MORC2: variants seen among roughly 807,000 people sequenced by gnomAD.
MORC2 encodes the protein ATPase MORC2.
A neutral mutation model predicts 136.0 loss-of-function variants in MORC2; 30 were observed. The ratio of observed to expected loss-of-function variants is 0.22; its 90% confidence interval spans 0.17 to 0.30. The LOEUF is 0.30. Among genes scored for constraint, MORC2 ranks in the 10% least tolerant of loss-of-function variants. MORC2 has a pLI of 1.00. For missense variants in MORC2, 922 were observed against 1,333.1 expected (o/e 0.69, Z 4.80); for synonymous variants, 439 against 487.0 (o/e 0.90, Z 1.30).
Position 30,936,985 on chromosome 22 carries a change from T to C in MORC2, c.1551A>G (p.Lys517=). 6.2e-7 allele frequency: 1 copy of C among 1,613,886 alleles called. No homozygotes were observed. Among genetic ancestry groups the C allele is most frequent in the Non-Finnish European group, 8.5e-7 (1 of 1,179,850 alleles). Residue 517 remains lysine (K), a synonymous_variant, in exon 16 of 26, where the codon AAA becomes AAG. Coordinates refer to ENST00000397641, the MANE Select transcript of MORC2 (RefSeq NM_001303256.3). ...AGCAAACCCAGGTGTCAGGGTAATCTTTTTCCACAGAACTCAGCTGGAAGG... is the reference window on the plus strand; with the variant it reads ...AGCAAACCCAGGTGTCAGGGTAATCCTTTTCCACAGAACTCAGCTGGAAGG... ...TLPFQLSSVE[K]DYPDTWVCSM...
chr22:30,940,874 G>C lies in MORC2; in HGVS notation c.825-37C>G, dbSNP rs768426185. 17 of 1,553,698 alleles carry C rather than the reference G, an allele frequency of 1.1e-5. No individual in the cohort carries two copies. In the Admixed American group the frequency reaches 2.8e-4, roughly 26 times the overall value. The stretch of plus-strand genomic sequence containing the variant: ...AAAAAGCAAGCTGATGGCCCACGCA[G>C]CAGTGGGGCAGGTGGCACACCCAAG... On this transcript the variant is annotated intron_variant, in intron 9 of 25. Coordinates refer to ENST00000397641, the MANE Select transcript of MORC2 (RefSeq NM_001303256.3).
intron 1 of MORC2, among the ~76,000 whole-genome samples, chr22:30,964,717 G>A (rs1471802527): frequency 6.6e-6 from 1 of 152,144 alleles, no homozygotes; most frequent in Non-Finnish European, 1.5e-5. Flanking sequence ...TCCCAGGCCT[G>A]CTGTAAACCT....
rs145453889 is a variant in MORC2, at chr22:30,962,552, G to A, written c.69-3858C>T. On this transcript the variant is annotated intron_variant, in intron 1 of 25. Transcript: ENST00000397641. ...GAGGGTTGCAGTGAGCCAAGACTGCGCCACGGCACACCAACCTGGCTGAAA... is the reference window on the plus strand; with the variant it reads ...GAGGGTTGCAGTGAGCCAAGACTGCACCACGGCACACCAACCTGGCTGAAA... 3.3e-4 allele frequency among the ~76,000 whole-genome samples: 50 copies of A among 149,966 alleles called. 1 individual carries two copies. The highest frequency in any genetic ancestry group is 1.1e-3 in the African/African-American group (46 of 40,756).
In MORC2 at chr22:30,932,182, C is replaced by G. The variant is rs2040584908; in HGVS notation, c.2841+177G>C. 5 of 639,682 alleles carry G rather than the reference C, an allele frequency of 7.8e-6. No individual in the cohort carries two copies. The highest frequency in any genetic ancestry group is 1.3e-5 in the Non-Finnish European group (5 of 380,884). 39.6% of individuals were successfully genotyped at this position (639,682 alleles called of 1,614,324 possible). A position where few individuals can be genotyped will look rare whatever the true frequency, so the allele number is the denominator to read the frequency against. Reference sequence around the variant, plus strand: ...ATATCCAGCTAAGCCAATTTTTTTCCCACATCATAAACTCTCCTCTTCTTT... The same window carrying G: ...ATATCCAGCTAAGCCAATTTTTTTCGCACATCATAAACTCTCCTCTTCTTT... On this transcript the variant is annotated intron_variant, in intron 24 of 25. Coordinates refer to ENST00000397641, the MANE Select transcript of MORC2 (RefSeq NM_001303256.3). The surrounding 1 kb of genome is among the most constrained non-coding windows in gnomAD (Gnocchi z 4.4).
chr22:30,941,714 T>TC lies in MORC2; in HGVS notation c.699-157dup, dbSNP rs901325242. On this transcript the variant is annotated intron_variant, in intron 8 of 25. Transcript: ENST00000397641. This position sits in a 1 kb window ranked among gnomAD's most constrained non-coding sequence, Gnocchi z 4.6. ...GTGCTCCCTTAGTGTGAGCACCACATCCCGCCCCTCTCACGTCCTCAGCAC... is the reference window on the plus strand; with the variant it reads ...GTGCTCCCTTAGTGTGAGCACCACATCCCCGCCCCTCTCACGTCCTCAGCAC... 1.5e-4 allele frequency among the ~76,000 whole-genome samples: 23 copies of TC among 152,146 alleles called. No individual in the cohort carries two copies. Among genetic ancestry groups the TC allele is most frequent in the African/African-American group, 5.3e-4 (22 of 41,520 alleles).
intron 10 of MORC2, among the ~76,000 whole-genome samples, chr22:30,940,510 T>C (rs1402135230): frequency 6.6e-6 from 1 of 152,116 alleles, no homozygotes; most frequent in East Asian, 1.9e-4. Flanking sequence ...TCAATTGGGA[T>C]AAGCCAAAGA....
chr22:30,959,680 C>A (rs1047804112), intron 1 of MORC2, among the ~76,000 whole-genome samples: 4 of 151,986 alleles, frequency 2.6e-5, no homozygotes, highest in African/African-American at 9.7e-5. Flanking sequence ...ACAATATTAA[C>A]CCACATAATA....
chr22:30,943,690 T>G (rs907300966), intron 6 of MORC2, among the ~76,000 whole-genome samples: 1 of 152,198 alleles, frequency 6.6e-6, no homozygotes, highest in African/African-American at 2.4e-5. Context: ...TAACAAGTGC[T>G]GGGGTGACAA....
chr22:30,935,416 T>C, intron 17 of MORC2, 94 bp from the exon 18 acceptor site: 1 of 1,255,780 alleles, frequency 8.0e-7, no homozygotes, highest in East Asian at 2.5e-5. Flanking sequence ...ACAAAAAAAA[T>C]AGAAAACCTG....
At chr22:30,967,788 C>T (rs1290138877) in intron 1 of MORC2, 34 bp downstream of exon 1, 1 of 1,549,758 alleles carries the variant, frequency 6.5e-7, no homozygotes. Context: ...GAACGAGTTA[C>T]TGGTTACCTC....
Position 30,927,913 on chromosome 22 carries a change from G to C in MORC2, c.3030+106C>G, listed in dbSNP as rs5753394. ...CTGTGCAGCCAGGGTGAGAACCATAGATTCCTGTGAGTGGATAGATTCTTG... is the reference window on the plus strand; with the variant it reads ...CTGTGCAGCCAGGGTGAGAACCATACATTCCTGTGAGTGGATAGATTCTTG... On this transcript the variant is annotated intron_variant, in intron 25 of 25. Transcript: ENST00000397641. 0.34 allele frequency: 460,173 copies of C among 1,373,480 alleles called. 81,141 individuals are homozygous for C. The highest frequency in any genetic ancestry group is 0.62 in the East Asian group (26,012 of 41,872). 85.1% of individuals were successfully genotyped at this position (1,373,480 alleles called of 1,614,324 possible).
Position 30,935,012 on chromosome 22 carries a change from AG to A in MORC2, c.1961del (p.Pro654LeufsTer67). 6.2e-7 allele frequency: 1 copy of A among 1,614,076 alleles called. No individual in the cohort carries two copies. Among genetic ancestry groups the A allele is most frequent in the Non-Finnish European group, 8.5e-7 (1 of 1,180,020 alleles). The stretch of plus-strand genomic sequence containing the variant: ...TGGCCTCCTCCCGGGCTGCCAAAGC[AG>A]GGAGCTTTGGGGTACTGCTGATGAC... ...APVISSTPKL[P>X]ALAAREEAST... On this transcript the variant is annotated frameshift_variant, in exon 19 of 26. Transcript: ENST00000397641. LOFTEE classifies it high-confidence loss of function.
intron 6 of MORC2, among the ~76,000 whole-genome samples, chr22:30,944,073 T>A (rs2040779203): frequency 6.6e-6 from 1 of 152,234 alleles, no homozygotes; most frequent in South Asian, 2.1e-4. Context: ...TGCTGGTTTC[T>A]AAGAAGCTTT....
intron 1 of MORC2, among the ~76,000 whole-genome samples, chr22:30,965,581 A>G (rs2041115964): frequency 1.3e-5 from 2 of 152,204 alleles, no homozygotes; most frequent in Admixed American, 1.3e-4. Context: ...CAGGTAAGAA[A>G]TTCCAGAGCT....
chr22:30,946,584 T>A, intron 5 of MORC2, 135 bp from the exon 6 acceptor site: 1 of 658,026 alleles, frequency 1.5e-6, no homozygotes, highest in Non-Finnish European at 2.5e-6. Context: ...GTCCCAGGAC[T>A]GTGTGCTGAG....
At chr22:30,946,875 G>A (rs1364931740) in intron 5 of MORC2, among the ~76,000 whole-genome samples, 6 of 152,056 alleles carry the variant, frequency 3.9e-5, no homozygotes, top group Admixed American at 3.9e-4. Context: ...GACTTTAGTA[G>A]CTGGTACCCT....
chr22:30,936,727 GTC>G (rs2040658331), intron 16 of MORC2, 84 bp from the exon 17 acceptor site: 2 of 1,545,266 alleles, frequency 1.3e-6, no homozygotes, highest in African/African-American at 2.7e-5. Flanking sequence ...AGTCTACACT[GTC>G]TGTCACAAGA....
chr22:30,931,624 C>T (rs1329837848), intron 24 of MORC2, among the ~76,000 whole-genome samples: 1 of 152,206 alleles, frequency 6.6e-6, no homozygotes, highest in East Asian at 1.9e-4. Flanking sequence ...CAGAAGCCCC[C>T]ACCTCAAACA....
At position 30,934,275 on chromosome 22, in the gene MORC2, G is replaced by A. The variant is rs887108786; in HGVS notation, c.2194-84C>T. 2.3e-5 allele frequency: 36 copies of A among 1,565,810 alleles called. No homozygotes were observed. The Admixed American group carries it at 3.4e-4, about 15-fold the overall frequency. ...AGATTTCATCTAGCCTAAAGGAGTC[G>A]TTCCAAGAGGAGCTGTACTCCCTGC... On this transcript the variant is annotated intron_variant, in intron 19 of 25. Transcript: ENST00000397641. This position sits in a 1 kb window ranked among gnomAD's most constrained non-coding sequence, Gnocchi z 4.4.
Sources: allele counts gnomAD v4.1 joint callset (sites outside exome capture counted in the v4.1 genomes callset), GRCh38; gene constraint gnomAD v4.1.1; non-coding constraint Gnocchi (gnomAD v3.1); transcripts MANE v1.5; gene names NCBI Gene and HGNC (gene_info 2026-07-23, HGNC 2026-07-21).